ROR1: variants seen among roughly 807,000 people sequenced by gnomAD.
The protein encoded by ROR1 is inactive tyrosine-protein kinase transmembrane receptor ROR1.
ROR1 carries 19 observed loss-of-function variants against 78.8 expected under a neutral mutation model. The observed-to-expected ratio is 0.24, with a 90% CI of 0.17 to 0.35. The LOEUF (loss-of-function observed/expected upper bound fraction) is 0.35. Among genes scored for constraint, ROR1 ranks in the 10% least tolerant of loss-of-function variants. The pLI, the probability that ROR1 is intolerant of heterozygous loss-of-function variation, is 1.00. For missense variants in ROR1, 917 were observed against 1,177.8 expected (o/e 0.78, Z 3.24); for synonymous variants, 386 against 433.6 (o/e 0.89, Z 1.36).
chr1:63,919,038 C>T (rs1645632482), intron 1 of ROR1, among the ~76,000 whole-genome samples: 1 of 152,076 alleles, frequency 6.6e-6, no homozygotes, highest in Non-Finnish European at 1.5e-5. Context: ...GACAAATCTT[C>T]CAAAAGACAG....
At chr1:63,981,652 G>A (rs1308623471) in intron 1 of ROR1, among the ~76,000 whole-genome samples, 3 of 152,044 alleles carry the variant, frequency 2.0e-5, no homozygotes, top group African/African-American at 4.8e-5. Flanking sequence ...TCCTTTGGCT[G>A]GGCTGGAAGG....
intron 2 of ROR1, among the ~76,000 whole-genome samples, chr1:64,018,102 C>A (rs570798593): frequency 6.6e-6 from 1 of 152,146 alleles, no homozygotes; most frequent in Non-Finnish European, 1.5e-5. Flanking sequence ...CAAGGTACTT[C>A]CAGAAACCTA....
chr1:64,016,733 T>TATATATATATATA (rs1553151713), intron 2 of ROR1, among the ~76,000 whole-genome samples: 22 of 140,576 alleles, frequency 1.6e-4, no homozygotes, highest in African/African-American at 5.4e-4. Flanking sequence ...TAAAATATAA[T>TATATATATATATA]TATATATATA....
At chr1:64,090,697 A>G in intron 4 of ROR1, among the ~76,000 whole-genome samples, 1 of 152,218 alleles carries the variant, frequency 6.6e-6, no homozygotes, top group Non-Finnish European at 1.5e-5. Flanking sequence ...GGTGATAAGC[A>G]AATGGCTGGG....
At chr1:63,807,978 A>G (rs949066354) in intron 1 of ROR1, among the ~76,000 whole-genome samples, 1 of 152,078 alleles carries the variant, frequency 6.6e-6, no homozygotes, top group Admixed American at 6.5e-5. Context: ...TCCCAATATT[A>G]TTATTATTAG....
rs1032214808 is a variant in ROR1 at position 64,091,071 on chromosome 1, T to G, written c.482+40355T>G. Reference sequence around the variant, plus strand: ...GTAGATGGTTAGAGGCAGCTAGGATTCAAATACCCATCTGTCTGGATCTGA... The same window carrying G: ...GTAGATGGTTAGAGGCAGCTAGGATGCAAATACCCATCTGTCTGGATCTGA... On this transcript the variant is annotated intron_variant, in intron 4 of 8. Transcript: ENST00000371079. Among the ~76,000 whole-genome samples the G allele has an allele frequency of 1.3e-5, 2 of 152,192 alleles. 1 individual carries two copies. Among genetic ancestry groups the G allele is most frequent in the African/African-American group, 4.8e-5 (2 of 41,452 alleles).
intron 1 of ROR1, among the ~76,000 whole-genome samples, chr1:63,831,806 GC>G: frequency 6.6e-6 from 1 of 152,204 alleles, no homozygotes; most frequent in Non-Finnish European, 1.5e-5. Context: ...ACATGGTCAG[GC>G]TACAGGTGTT....
At chr1:63,925,370 T>C (rs1397312835) in intron 1 of ROR1, among the ~76,000 whole-genome samples, 1 of 151,262 alleles carries the variant, frequency 6.6e-6, no homozygotes, top group Non-Finnish European at 1.5e-5. Flanking sequence ...TGCATAGTAT[T>C]CCATGGTGTA....
chr1:63,809,807 A>G (rs1348326126), intron 1 of ROR1, among the ~76,000 whole-genome samples: 2 of 152,224 alleles, frequency 1.3e-5, no homozygotes, highest in Non-Finnish European at 2.9e-5. Flanking sequence ...CAAAGTCAAG[A>G]ATACGTTGGA....
At chr1:64,163,222 A>AACACACACACACACACACACACAC (rs57880828) in intron 8 of ROR1, among the ~76,000 whole-genome samples, 7 of 137,760 alleles carry the variant, frequency 5.1e-5, no homozygotes, top group African/African-American at 1.9e-4. Context: ...CATCTCTACA[A>AACACACACACACACACACACACAC]ACACACACAC....
chr1:63,956,579 C>T (rs17125860), intron 1 of ROR1, among the ~76,000 whole-genome samples: 4,480 of 152,256 alleles, frequency 0.029, 224 homozygotes, highest in African/African-American at 0.1. Flanking sequence ...TTAATTCCCA[C>T]TAATTCAGTG....
intron 1 of ROR1, among the ~76,000 whole-genome samples, chr1:63,918,335 T>A (rs1408475927): frequency 6.6e-6 from 1 of 152,182 alleles, no homozygotes; most frequent in African/African-American, 2.4e-5. Flanking sequence ...AACAAAGCAA[T>A]GAAGTAGTTA....
At chr1:63,847,433 C>T (rs1645088276) in intron 1 of ROR1, among the ~76,000 whole-genome samples, 1 of 151,986 alleles carries the variant, frequency 6.6e-6, no homozygotes, top group Non-Finnish European at 1.5e-5. Flanking sequence ...TCTTTCTGGT[C>T]CTTCCAGTAA....
intron 1 of ROR1, among the ~76,000 whole-genome samples, chr1:63,816,431 C>T (rs1644892568): frequency 1.3e-5 from 2 of 152,218 alleles, no homozygotes; most frequent in African/African-American, 2.4e-5. Context: ...TTTCCCTGCA[C>T]AAGCTCTTTC....
chr1:63,834,343 G>A (rs1645007217), intron 1 of ROR1, among the ~76,000 whole-genome samples: 1 of 151,972 alleles, frequency 6.6e-6, no homozygotes, highest in African/African-American at 2.4e-5. Flanking sequence ...TATACTGAGT[G>A]TTTTATCTTG....
chr1:63,789,094 G>A (rs890856418), intron 1 of ROR1: 17 of 613,046 alleles, frequency 2.8e-5, no homozygotes, highest in Admixed American at 2.4e-4. Flanking sequence ...CTGCCCTTCC[G>A]GTAGGCCAAG....
chr1:64,024,050 T>C (rs1341368030), intron 2 of ROR1, among the ~76,000 whole-genome samples: 2 of 152,176 alleles, frequency 1.3e-5, no homozygotes, highest in African/African-American at 2.4e-5. Context: ...AAGTGCTTGC[T>C]TCTCCTTCAC....
chr1:64,073,807 C>T (rs1011926144), intron 4 of ROR1, among the ~76,000 whole-genome samples: 2 of 152,098 alleles, frequency 1.3e-5, no homozygotes, highest in African/African-American at 4.8e-5. Context: ...CCCCTGTTCC[C>T]GAAGGGTTAA....
chr1:63,994,503 A>G (rs1392650298), intron 1 of ROR1, among the ~76,000 whole-genome samples: 1 of 152,176 alleles, frequency 6.6e-6, no homozygotes, highest in Non-Finnish European at 1.5e-5. Context: ...TCAAACTTTG[A>G]AAAGGTCTTC....
Sources: allele counts gnomAD v4.1 joint callset (sites outside exome capture counted in the v4.1 genomes callset), GRCh38; gene constraint gnomAD v4.1.1; transcripts MANE v1.5; gene names NCBI Gene and HGNC (gene_info 2026-07-23, HGNC 2026-07-21).